The following IFT27 variants were observed in gnomAD, a reference collection of about 807,000 sequenced individuals.
IFT27 encodes the protein intraflagellar transport protein 27 homolog.
A neutral mutation model predicts 23.9 loss-of-function variants in IFT27; 19 were observed. The ratio of observed to expected loss-of-function variants is 0.79; its 90% confidence interval spans 0.55 to 1.16. The LOEUF (loss-of-function observed/expected upper bound fraction) is 1.16, where lower values mean the gene tolerates loss of function less well. IFT27 is among the 50% of genes most tolerant of loss of function. The pLI is 0.00. For synonymous variants in IFT27, 91 were observed against 89.1 expected (o/e 1.02, Z -0.12); for missense variants, 206 against 228.7 (o/e 0.90, Z 0.64).
intron 1 of IFT27, among the ~76,000 whole-genome samples, chr22:36,771,482 C>G (rs1305432869): frequency 6.6e-6 from 1 of 152,162 alleles, no homozygotes; most frequent in African/African-American, 2.4e-5. Context: ...CTGGGCTCCT[C>G]CCAGTGGGAA....
At chr22:36,765,745 C>G (rs1188610202) in intron 4 of IFT27, among the ~76,000 whole-genome samples, 1 of 152,180 alleles carries the variant, frequency 6.6e-6, no homozygotes, top group Admixed American at 6.5e-5. Flanking sequence ...GAAAGTGAGC[C>G]TCGTTATAGG....
At chr22:36,759,413 A>C (rs129336) in intron 6 of IFT27, 94,498 of 151,988 alleles carry the variant, frequency 0.62, 31,785 homozygotes, top group East Asian at 0.88. Context: ...CTGAGAGAGA[A>C]AAGAGAAGTT....
intron 5 of IFT27, chr22:36,763,589 C>T (rs998387818): frequency 7.0e-6 from 3 of 429,098 alleles, no homozygotes; most frequent in African/African-American, 6.0e-5. Flanking sequence ...TTACTTGTAC[C>T]CCATATACAA....
At chr22:36,762,458 CT>C (rs1252478051) in intron 6 of IFT27, 1 of 153,088 alleles carries the variant, frequency 6.5e-6, no homozygotes, top group African/African-American at 2.4e-5. Flanking sequence ...GCCATGAGTC[CT>C]AATCCTGGCT....
chr22:36,758,295 G>T lies in IFT27; in HGVS notation c.*16C>A, dbSNP rs200349828. ...TCTGTCTTCTCCGGTTGTGCAGCACGATCTGCTCCAGCTCGTCATGCCAGG... is the reference window on the plus strand; with the variant it reads ...TCTGTCTTCTCCGGTTGTGCAGCACTATCTGCTCCAGCTCGTCATGCCAGG... On this transcript the variant is annotated 3_prime_UTR_variant, in exon 7 of 7. Coordinates refer to ENST00000433985, the MANE Select transcript of IFT27 (RefSeq NM_001177701.3). 1.3e-6 allele frequency: 2 copies of T among 1,590,658 alleles called. No homozygotes were observed. Among genetic ancestry groups the T allele is most frequent in the South Asian group, 1.1e-5 (1 of 90,604 alleles).
At chr22:36,773,982 A>G (rs148392080) in intron 1 of IFT27, among the ~76,000 whole-genome samples, 55 of 152,358 alleles carry the variant, frequency 3.6e-4, no homozygotes, top group African/African-American at 1.3e-3. Context: ...AAAAGAACCC[A>G]GAGAGAAGCC....
At chr22:36,774,789 G>T (rs1938465192) in intron 1 of IFT27, among the ~76,000 whole-genome samples, 1 of 150,958 alleles carries the variant, frequency 6.6e-6, no homozygotes, top group African/African-American at 2.4e-5. Context: ...TCCAGCCTGG[G>T]CAACAGCGTG....
At chr22:36,762,653 A>G in intron 6 of IFT27, 2 of 363,002 alleles carry the variant, frequency 5.5e-6, no homozygotes. Flanking sequence ...CACCGCACAC[A>G]AAGCACTTGT....
At chr22:36,759,900 G>C (rs915195837) in intron 6 of IFT27, 1 of 152,258 alleles carries the variant, frequency 6.6e-6, no homozygotes, top group Non-Finnish European at 1.5e-5. Context: ...GGCCAGCTGG[G>C]ATGTGCGAAG....
chr22:36,768,884 T>C (rs543390587), intron 1 of IFT27, among the ~76,000 whole-genome samples: 1 of 152,366 alleles, frequency 6.6e-6, no homozygotes, highest in East Asian at 1.9e-4. Flanking sequence ...CTCTGGATCC[T>C]TAGCAAAATC....
intron 1 of IFT27, chr22:36,768,321 G>A (rs1938307009): frequency 2.9e-6 from 1 of 345,584 alleles, no homozygotes; most frequent in Non-Finnish European, 5.7e-6. Context: ...ATACTTTTTT[G>A]TGTGGGGCGT....
chr22:36,768,070 C>G, intron 1 of IFT27: 1 of 683,356 alleles, frequency 1.5e-6, no homozygotes, highest in Non-Finnish European at 2.8e-6. Flanking sequence ...GAGCACACTT[C>G]TGCACGGCTA....
intron 1 of IFT27, among the ~76,000 whole-genome samples, chr22:36,769,757 G>A (rs739003): frequency 0.059 from 9,048 of 152,226 alleles, 318 homozygotes; most frequent in South Asian, 0.094. Flanking sequence ...CAAACAGAGC[G>A]CATCGCTTTC....
At chr22:36,769,717 AC>A (rs1487203096) in intron 1 of IFT27, among the ~76,000 whole-genome samples, 2 of 151,994 alleles carry the variant, frequency 1.3e-5, no homozygotes, top group East Asian at 3.9e-4. Flanking sequence ...CACAGCCTAG[AC>A]TGTCAAGGGG....
At chr22:36,773,288 G>A (rs531981546) in intron 1 of IFT27, among the ~76,000 whole-genome samples, 41 of 152,274 alleles carry the variant, frequency 2.7e-4, no homozygotes, top group African/African-American at 9.6e-4. Context: ...AACCCAGGAG[G>A]TGGAAGTTGC....
chr22:36,760,266 G>C (rs1028462631), intron 6 of IFT27: 1 of 152,236 alleles, frequency 6.6e-6, no homozygotes. Context: ...CATAGCGCAC[G>C]CACGGGGATT....
chr22:36,767,780 C>T lies in IFT27; in HGVS notation c.114+3G>A. 2 of 1,612,922 alleles carry T rather than the reference C, an allele frequency of 1.2e-6. No homozygotes were observed. Among genetic ancestry groups the T allele is most frequent in the Non-Finnish European group, 1.7e-6 (2 of 1,178,880 alleles). On this transcript the variant is annotated splice_donor_region_variant and intron_variant, in intron 2 of 6. Coordinates refer to ENST00000433985, the MANE Select transcript of IFT27 (RefSeq NM_001177701.3). ...GTGGCCAGGTCTTGACACCCCAGCTCACCAGGGTGTAGCTTTTCTGGAAAT... is the reference window on the plus strand; with the variant it reads ...GTGGCCAGGTCTTGACACCCCAGCTTACCAGGGTGTAGCTTTTCTGGAAAT...
intron 1 of IFT27, among the ~76,000 whole-genome samples, chr22:36,768,762 C>T (rs1938324127): frequency 1.3e-5 from 2 of 152,226 alleles, no homozygotes; most frequent in African/African-American, 2.4e-5. Context: ...TCTGCTGAGC[C>T]TCCTTTGATG....
chr22:36,766,404 G>A (rs781174525), intron 3 of IFT27: 19 of 563,972 alleles, frequency 3.4e-5, no homozygotes, highest in Admixed American at 3.3e-4. Flanking sequence ...GCAGTACGAC[G>A]GGTTCTCGCA....
Sources: allele counts gnomAD v4.1 joint callset (sites outside exome capture counted in the v4.1 genomes callset), GRCh38; gene constraint gnomAD v4.1.1; transcripts MANE v1.5; gene names NCBI Gene and HGNC (gene_info 2026-07-23, HGNC 2026-07-21).